DNMT3B: variants seen among roughly 807,000 people sequenced by gnomAD.
The protein encoded by DNMT3B is DNA methyltransferase 3 beta, also known as DNA (cytosine-5)-methyltransferase 3B.
A neutral mutation model predicts 120.2 loss-of-function variants in DNMT3B; 37 were observed. The observed-to-expected ratio is 0.31, with a 90% CI of 0.24 to 0.40. The LOEUF (loss-of-function observed/expected upper bound fraction) is 0.40, where lower values mean the gene tolerates loss of function less well. DNMT3B is among the 10% of genes least tolerant of loss of function. The pLI, the probability that DNMT3B is intolerant of heterozygous loss-of-function variation, is 1.00. For synonymous variants in DNMT3B, 412 were observed against 442.8 expected (o/e 0.93, Z 0.87); for missense variants, 878 against 1,137.3 (o/e 0.77, Z 3.28).
At chr20:32,764,586 T>A (rs1987186964) in intron 1 of DNMT3B, among the ~76,000 whole-genome samples, 1 of 152,188 alleles carries the variant, frequency 6.6e-6, no homozygotes, top group African/African-American at 2.4e-5. Flanking sequence ...CTTTGTTCCC[T>A]TTCGAACGGA....
intron 4 of DNMT3B, 52 bp downstream of exon 4, chr20:32,784,911 C>A: frequency 6.5e-7 from 1 of 1,547,588 alleles, no homozygotes. Flanking sequence ...CTCTACATAG[C>A]ATACATAGCA....
chr20:32,801,507 G>T, intron 19 of DNMT3B, 81 bp downstream of exon 19: 1 of 1,576,388 alleles, frequency 6.3e-7, no homozygotes, highest in Non-Finnish European at 8.7e-7. Context: ...GGTGGGTGTT[G>T]CCAACATTGG....
chr20:32,764,085 T>C (rs1987148150), intron 1 of DNMT3B, among the ~76,000 whole-genome samples: 1 of 152,126 alleles, frequency 6.6e-6, no homozygotes, highest in Non-Finnish European at 1.5e-5. Context: ...AATACATGTT[T>C]GCCATTGTTG....
At chr20:32,792,597 C>G (rs757508182) in intron 8 of DNMT3B, 29 bp from the exon 9 acceptor site, 33 of 1,614,022 alleles carry the variant, frequency 2.0e-5, no homozygotes, top group Admixed American at 1.0e-4. Context: ...TCCCCACCCC[C>G]CCATTCATCA....
intron 1 of DNMT3B, among the ~76,000 whole-genome samples, chr20:32,769,454 C>T (rs1204900345): frequency 1.3e-5 from 2 of 152,190 alleles, no homozygotes; most frequent in Non-Finnish European, 2.9e-5. Context: ...TGGCAGGACA[C>T]ACAAGATGCG....
intron 22 of DNMT3B, 64 bp from the exon 23 acceptor site, chr20:32,807,698 G>C: frequency 1.2e-6 from 2 of 1,609,272 alleles, no homozygotes; most frequent in Admixed American, 3.3e-5. Context: ...GACCTGGCTG[G>C]TTGAGGCTGT....
At chr20:32,780,025 G>A in intron 1 of DNMT3B, 1 of 1,530,066 alleles carries the variant, frequency 6.5e-7, no homozygotes, top group Middle Eastern at 1.8e-4. Context: ...CCGGCTAATT[G>A]CACAGAGCAG....
At chr20:32,778,495 C>T (rs1361446506) in intron 1 of DNMT3B, among the ~76,000 whole-genome samples, 1 of 152,252 alleles carries the variant, frequency 6.6e-6, no homozygotes, top group Non-Finnish European at 1.5e-5. Context: ...TGCGTGGCTC[C>T]TGGGCCACAC....
At chr20:32,780,168 C>A in intron 1 of DNMT3B, 150 bp from the exon 2 acceptor site, 1 of 1,613,340 alleles carries the variant, frequency 6.2e-7, no homozygotes, top group East Asian at 2.2e-5. Context: ...CTATGGGGGG[C>A]AGCCTGGGTG....
intron 12 of DNMT3B, among the ~76,000 whole-genome samples, 178 bp downstream of exon 12, chr20:32,795,872 AT>A (rs1370365461): frequency 6.6e-6 from 1 of 152,196 alleles, no homozygotes; most frequent in Admixed American, 6.5e-5. Context: ...TGAGTTGCCA[AT>A]TGTGCCCCTT....
Position 32,786,002 on chromosome 20 carries a change from G to A in DNMT3B, c.307-500G>A, listed in dbSNP as rs144849405. Among the ~76,000 whole-genome samples the A allele has an allele frequency of 3.9e-5, 6 of 152,076 alleles. No individual in the cohort carries two copies. In the East Asian group the frequency reaches 1.2e-3, roughly 29 times the overall value. On this transcript the variant is annotated intron_variant, in intron 4 of 22. Coordinates refer to ENST00000328111, the MANE Select transcript of DNMT3B (RefSeq NM_006892.4). ...TGGTCCAAGTGATTCTCCTGCCTCA[G>A]CCTCCTGAGTAGCTGTGACTACAGG...
chr20:32,764,967 C>T lies in DNMT3B; in HGVS notation c.-7+2268C>T, dbSNP rs147838056. ...TCATTATTGCAGCCCCATGGACCTGCTGCCAGTGGGGGCTTGGGCAAGTTC... is the reference window on the plus strand; with the variant it reads ...TCATTATTGCAGCCCCATGGACCTGTTGCCAGTGGGGGCTTGGGCAAGTTC... On this transcript the variant is annotated intron_variant, in intron 1 of 22. Coordinates refer to ENST00000328111, the MANE Select transcript of DNMT3B (RefSeq NM_006892.4). Among the ~76,000 whole-genome samples, 445 of 152,310 alleles carry T rather than the reference C, an allele frequency of 2.9e-3. 3 individuals carry two copies. The highest frequency in any genetic ancestry group is 9.9e-3 in the African/African-American group (410 of 41,570).
At chr20:32,789,991 C>T (rs905449110) in intron 7 of DNMT3B, among the ~76,000 whole-genome samples, 3 of 152,146 alleles carry the variant, frequency 2.0e-5, no homozygotes, top group African/African-American at 7.2e-5. Context: ...AAGTTAGGTG[C>T]CTAAGGTCAT....
chr20:32,794,692 G>A (rs1467394371), intron 10 of DNMT3B, among the ~76,000 whole-genome samples: 2 of 152,048 alleles, frequency 1.3e-5, no homozygotes, highest in Admixed American at 1.3e-4. Context: ...TTTTTTTAGC[G>A]CTAAATTTCC....
chr20:32,780,577 C>A (rs184776217), intron 2 of DNMT3B, 112 bp downstream of exon 2: 2 of 1,493,464 alleles, frequency 1.3e-6, no homozygotes, highest in East Asian at 4.8e-5. Flanking sequence ...CACAATTCCC[C>A]GGGAGGGAAG....
At chr20:32,806,176 G>A in intron 21 of DNMT3B, 33 bp from the exon 22 acceptor site, 1 of 1,602,954 alleles carries the variant, frequency 6.2e-7, no homozygotes, top group Non-Finnish European at 8.5e-7. Context: ...CCTTCATTCT[G>A]TGCTCACTCC....
intron 1 of DNMT3B, among the ~76,000 whole-genome samples, chr20:32,769,552 G>GC (rs975433425): frequency 6.6e-6 from 1 of 152,138 alleles, no homozygotes; most frequent in African/African-American, 2.4e-5. Context: ...GCAGATCTGA[G>GC]CCCCCACTAG....
chr20:32,791,484 A>C lies in DNMT3B; in HGVS notation c.814-117A>C, dbSNP rs955656538. On this transcript the variant is annotated intron_variant, in intron 7 of 22. Transcript: ENST00000328111. ...GATGTCTGTGGACTTTATCCCCAGG[A>C]ATGGTCTCTTGGTTAAAGTGTGTGA... is the stretch of plus-strand genomic sequence containing the variant. 6.2e-6 allele frequency: 6 copies of C among 971,748 alleles called. No homozygotes were observed. In the African/African-American group the frequency reaches 9.6e-5, roughly 16 times the overall value. The allele number at this position is 971,748 out of a possible 1,614,324, so 60.2% of individuals were successfully genotyped here.
Position 32,772,874 on chromosome 20 carries a change from A to ATTTT in DNMT3B, c.-6-7429_-6-7426dup, listed in dbSNP as rs397960769. Among the ~76,000 whole-genome samples, 197 of 129,376 alleles carry ATTTT rather than the reference A, an allele frequency of 1.5e-3. 7 individuals are homozygous for ATTTT. Among genetic ancestry groups the ATTTT allele is most frequent in the South Asian group, 8.4e-3 (35 of 4,152 alleles). 84.9% of individuals were successfully genotyped at this position (129,376 alleles called of 152,430 possible). A position where few individuals can be genotyped will look rare whatever the true frequency, so the allele number is the denominator to read the frequency against. ...GTCTGGTTTTTCCCTGTTTGGACAC[A>ATTTT]TTTTTTTTTTTTTTTTTTGAGATGG... On this transcript the variant is annotated intron_variant, in intron 1 of 22. Transcript: ENST00000328111.
Sources: allele counts gnomAD v4.1 joint callset (sites outside exome capture counted in the v4.1 genomes callset), GRCh38; gene constraint gnomAD v4.1.1; transcripts MANE v1.5; gene names NCBI Gene and HGNC (gene_info 2026-07-23, HGNC 2026-07-21).